AZU1: variants seen among roughly 807,000 people sequenced by gnomAD.
AZU1 encodes azurocidin 1, also known as azurocidin.
AZU1 carries 21 observed loss-of-function variants against 17.8 expected under a neutral mutation model. The ratio of observed to expected loss-of-function variants is 1.18; its 90% CI spans 0.84 to 1.70. The LOEUF (loss-of-function observed/expected upper bound fraction) is 1.70. AZU1 is among the 40% of genes most tolerant of loss of function. AZU1 has a pLI of 0.00. For missense variants in AZU1, 379 were observed against 362.9 expected (o/e 1.04, Z -0.36); for synonymous variants, 178 against 155.2 (o/e 1.15, Z -1.09).
intron 4 of AZU1, chr19:831,286 G>A: frequency 3.0e-6 from 1 of 333,206 alleles, no homozygotes; most frequent in Non-Finnish European, 5.5e-6. Context: ...CTCCATGTGG[G>A]TCAGGCTGGT....
chr19:830,908 C>T lies in AZU1; in HGVS notation c.561C>T (p.Thr187=), dbSNP rs372443381. The T allele has an allele frequency of 5.0e-5, 80 of 1,603,796 alleles. No individual in the cohort carries two copies. Among genetic ancestry groups the T allele is most frequent in the Middle Eastern group, 1.6e-4 (1 of 6,084 alleles). Residue 187 remains threonine (T), a synonymous_variant, in exon 4 of 5, where the codon ACC becomes ACT. Transcript: ENST00000233997. The part of the protein sequence containing the change: ...EDQCRPNNVC[T]GVLTRRGGIC... The stretch of plus-strand genomic sequence containing the variant: ...AGTGTCGCCCCAACAACGTGTGCAC[C>T]GGTGTGCTCACCCGCCGCGGTGGCA...
At chr19:829,523 C>T (rs1349831444) in intron 2 of AZU1, 39 bp from the exon 3 acceptor site, 1 of 1,604,538 alleles carries the variant, frequency 6.2e-7, no homozygotes, top group East Asian at 2.2e-5. Flanking sequence ...AGGCCCCAGC[C>T]TGGTGTCCTC....
chr19:829,276 G>A, intron 2 of AZU1, among the ~76,000 whole-genome samples: 1 of 150,816 alleles, frequency 6.6e-6, no homozygotes, highest in African/African-American at 2.4e-5. Context: ...AAGGGGAGGG[G>A]GTCAGATGGA....
Position 830,692 on chromosome 19 carries a change from C to T in AZU1, c.361-16C>T. On this transcript the variant is annotated splice_polypyrimidine_tract_variant and intron_variant, in intron 3 of 4. Transcript: ENST00000233997. The stretch of plus-strand genomic sequence containing the variant: ...TCCCCAGGGCCACCCTCCCCTGACT[C>T]CATTTCCTTCCCCAGCTGGACCGTG... The T allele has an allele frequency of 6.5e-7, 1 of 1,545,000 alleles. No homozygotes were observed. The highest frequency in any genetic ancestry group is 8.7e-7 in the Non-Finnish European group (1 of 1,149,528).
Position 829,819 on chromosome 19 carries a change from T to C in AZU1, c.360+113T>C. The stretch of plus-strand genomic sequence containing the variant: ...AAATACAAAAATTAGCCGGGAGTGG[T>C]GGCGCGCACCTGTGGCCCCTGTGCT... On this transcript the variant is annotated intron_variant, in intron 3 of 4. Coordinates refer to ENST00000233997, the MANE Select transcript of AZU1 (RefSeq NM_001700.5). The C allele has an allele frequency of 2.8e-6, 4 of 1,408,366 alleles. No individual in the cohort carries two copies. The South Asian group carries it at 5.5e-5, about 19-fold the overall frequency. 87.2% of individuals were successfully genotyped at this position (1,408,366 alleles called of 1,614,324 possible). A position where few individuals can be genotyped will look rare whatever the true frequency, so the allele number is the denominator to read the frequency against.
chr19:828,013 A>G, intron 1 of AZU1, 109 bp downstream of exon 1: 1 of 1,462,790 alleles, frequency 6.8e-7, no homozygotes, highest in East Asian at 2.5e-5. Context: ...CCTGGGTCAC[A>G]CAGCCAGCCC....
Position 831,999 on chromosome 19 carries a change from G to A in AZU1, c.*122G>A. ...CCAGAGGGGCCCTGGCTGTAATAAA[G>A]AAGCCGATCTCTCCTCTGCTCCTGG... On this transcript the variant is annotated 3_prime_UTR_variant, in exon 5 of 5. Coordinates refer to ENST00000233997, the MANE Select transcript of AZU1 (RefSeq NM_001700.5). 2 of 1,234,320 alleles carry A rather than the reference G, an allele frequency of 1.6e-6. No homozygotes were observed. The allele number at this position is 1,234,320 out of a possible 1,614,324, so 76.5% of individuals were successfully genotyped here.
intron 2 of AZU1, among the ~76,000 whole-genome samples, chr19:828,676 G>A (rs1190062161): frequency 6.9e-6 from 1 of 145,664 alleles, no homozygotes; most frequent in Non-Finnish European, 1.5e-5. Context: ...GTGAAGGAAA[G>A]GGGGTCAGAT....
In AZU1 at chr19:830,790, G is replaced by C; in HGVS notation, c.443G>C (p.Arg148Thr). The change falls in exon 4 of 5, where the codon AGA becomes ACA. Residue 148 changes from arginine (R) to threonine (T), a missense_variant. By Grantham distance (71) the Arg-to-Thr change is moderately conservative. Transcript: ENST00000233997. ...LQNATVEAGT[R>T]CQVAGWGSQR... is the part of the protein sequence containing the mutation. ...AACGCCACGGTGGAAGCCGGCACCA[G>C]ATGCCAGGTGGCCGGCTGGGGGAGC... 6.2e-7 allele frequency: 1 copy of C among 1,606,124 alleles called. No homozygotes were observed. Among genetic ancestry groups the C allele is most frequent in the Non-Finnish European group, 8.5e-7 (1 of 1,179,898 alleles).
chr19:827,872 T>C lies in AZU1; in HGVS notation c.26T>C (p.Leu9Pro). ...ATGACCCGGCTGACAGTCCTGGCCC[T>C]GCTGGCTGGTCTGCTGGCGTCCTCG... MTRLTVLA[L>P]LAGLLASSRA... Residue 9 changes from leucine (L) to proline (P), a missense_variant, in exon 1 of 5, where the codon CTG (leucine) becomes CCG (proline). Transcript: ENST00000233997. 4 of 1,537,080 alleles carry C rather than the reference T, an allele frequency of 2.6e-6. No individual in the cohort carries two copies. Among genetic ancestry groups the C allele is most frequent in the Non-Finnish European group, 3.5e-6 (4 of 1,147,340 alleles).
chr19:830,459 A>C (rs556759297), intron 3 of AZU1, among the ~76,000 whole-genome samples: 2 of 152,216 alleles, frequency 1.3e-5, no homozygotes. Flanking sequence ...AATTTAAAAA[A>C]GTAGAGACGG....
chr19:831,730 C>G lies in AZU1; in HGVS notation c.609C>G (p.Thr203=), dbSNP rs762175684. ...RGGICNGDGG[T]PLVCEGLAHG... The stretch of plus-strand genomic sequence containing the variant: ...TGCCTGCCCAGGGGGACGGGGGCAC[C>G]CCCCTCGTCTGCGAGGGCCTGGCCC... The change falls in exon 5 of 5, where the codon ACC becomes ACG. Residue 203 remains threonine (T), a synonymous_variant. Transcript: ENST00000233997. The G allele has an allele frequency of 1.9e-6, 3 of 1,607,416 alleles. No individual in the cohort carries two copies. Among genetic ancestry groups the G allele is most frequent in the Admixed American group, 3.4e-5 (2 of 59,240 alleles).
intron 2 of AZU1, among the ~76,000 whole-genome samples, 166 bp downstream of exon 2, chr19:828,552 T>C (rs1253662925): frequency 6.9e-6 from 1 of 145,876 alleles, no homozygotes; most frequent in Non-Finnish European, 1.5e-5. Flanking sequence ...GGGGACTGAG[T>C]TGAGGAGGGA....
At chr19:828,157 C>T in intron 1 of AZU1, 73 bp from the exon 2 acceptor site, 3 of 1,495,364 alleles carry the variant, frequency 2.0e-6, no homozygotes, top group Non-Finnish European at 2.7e-6. Context: ...AGAGCTGAGG[C>T]TGCAGCTTCA....
At position 827,884 on chromosome 19, in the gene AZU1, T is replaced by G; in HGVS notation, c.38T>G (p.Leu13Arg). The part of the protein sequence containing the change: ...RLTVLALLAG[L>R]LASSRAGSSP... ...ACAGTCCTGGCCCTGCTGGCTGGTC[T>G]GCTGGCGTCCTCGAGGGCCGGTGAG... is the stretch of plus-strand genomic sequence containing the variant. Residue 13 changes from leucine to arginine, a missense_variant, in exon 1 of 5, where the codon CTG (leucine) becomes CGG (arginine). By Grantham distance (102) the Leu-to-Arg change is moderately radical. Transcript: ENST00000233997. 6.5e-7 allele frequency: 1 copy of G among 1,537,320 alleles called. No homozygotes were observed. Among genetic ancestry groups the G allele is most frequent in the Non-Finnish European group, 8.7e-7 (1 of 1,147,434 alleles).
chr19:828,434 A>C (rs751421360), intron 2 of AZU1, 48 bp downstream of exon 2: 19 of 849,514 alleles, frequency 2.2e-5, no homozygotes, highest in Admixed American at 5.4e-5. Context: ...GGCTCAGAGA[A>C]GGGGCTTGGG....
rs781577673 is a variant in AZU1 at position 828,272 on chromosome 19, G to T, written c.101G>T (p.Arg34Met). The T allele has an allele frequency of 6.2e-7, 1 of 1,610,378 alleles. No individual in the cohort carries two copies. Among genetic ancestry groups the T allele is most frequent in the Non-Finnish European group, 8.5e-7 (1 of 1,179,206 alleles). The change falls in exon 2 of 5, where the codon AGG becomes ATG. Residue 34 changes from arginine to methionine, a missense_variant. Transcript: ENST00000233997. ...LLDIVGGRKA[R>M]PRQFPFLASI... is the part of the protein sequence containing the mutation. ...GACATCGTTGGCGGCCGGAAGGCGA[G>T]GCCCCGCCAGTTCCCGTTCCTGGCC... is the stretch of plus-strand genomic sequence containing the variant.
In AZU1 at chr19:827,855, G is replaced by A. The variant is rs1408955825; in HGVS notation, c.9G>A (p.Arg3=). 1.3e-6 allele frequency: 2 copies of A among 1,536,660 alleles called. No individual in the cohort carries two copies. The highest frequency in any genetic ancestry group is 1.7e-6 in the Non-Finnish European group (2 of 1,147,168). Residue 3 remains arginine, a synonymous_variant, in exon 1 of 5, where the codon CGG becomes CGA. Transcript: ENST00000233997. ...CACAGACCTGCCCCGCCATGACCCG[G>A]CTGACAGTCCTGGCCCTGCTGGCTG... is the stretch of plus-strand genomic sequence containing the variant. MT[R]LTVLALLAGL...
In AZU1 at chr19:828,320, A is replaced by G; in HGVS notation, c.149A>G (p.His50Arg). 1 of 1,610,736 alleles carries G rather than the reference A, an allele frequency of 6.2e-7. No individual in the cohort carries two copies. The highest frequency in any genetic ancestry group is 1.3e-5 in the African/African-American group (1 of 74,842). Residue 50 changes from histidine to arginine, a missense_variant, in exon 2 of 5, where the codon CAC becomes CGC. Coordinates refer to ENST00000233997, the MANE Select transcript of AZU1 (RefSeq NM_001700.5). Reference sequence around the variant, plus strand: ...GCCTCCATTCAGAATCAAGGCAGGCACTTCTGCGGGGGTGCCCTGATCCAT... The same window carrying G: ...GCCTCCATTCAGAATCAAGGCAGGCGCTTCTGCGGGGGTGCCCTGATCCAT... ...FLASIQNQGR[H>R]FCGGALIHAR...
Sources: gnomAD v4.1 joint callset for allele counts (sites outside exome capture counted in the v4.1 genomes callset) on GRCh38, gnomAD v4.1.1 for gene constraint, MANE v1.5 for transcripts, NCBI Gene and HGNC (gene_info 2026-07-23, HGNC 2026-07-21) for gene names.